KCNIP4: variants seen among roughly 807,000 people sequenced by gnomAD.
KCNIP4 encodes the protein Kv channel-interacting protein 4.
In KCNIP4, 12 loss-of-function variants were observed where a neutral mutation model predicts 34.0. The observed-to-expected ratio is 0.35, with a 90% CI of 0.23 to 0.57. The LOEUF is 0.57. Among genes scored for constraint, KCNIP4 ranks in the 20% least tolerant of loss-of-function variants. The pLI, the probability that KCNIP4 is intolerant of heterozygous loss-of-function variation, is 0.83. For missense variants in KCNIP4, 238 were observed against 311.7 expected (o/e 0.76, Z 1.78); for synonymous variants, 124 against 102.2 (o/e 1.21, Z -1.29).
chr4:21,342,505 C>T (rs1716855697), intron 1 of KCNIP4, among the ~76,000 whole-genome samples: 1 of 152,112 alleles, frequency 6.6e-6, no homozygotes, highest in Admixed American at 6.6e-5. Context: ...CACACAGCTA[C>T]TCACTGCTGG....
intron 1 of KCNIP4, among the ~76,000 whole-genome samples, chr4:21,557,366 A>T (rs1359023657): frequency 6.6e-6 from 1 of 152,174 alleles, no homozygotes; most frequent in Non-Finnish European, 1.5e-5. Context: ...AGTAAAATAC[A>T]ATATTGGAAA....
At chr4:20,953,452 T>C (rs962708779) in intron 1 of KCNIP4, among the ~76,000 whole-genome samples, 6 of 152,058 alleles carry the variant, frequency 3.9e-5, no homozygotes, top group African/African-American at 1.4e-4. Context: ...CAAAGTGAGG[T>C]GGGCAGATCA....
intron 1 of KCNIP4, among the ~76,000 whole-genome samples, chr4:21,946,404 T>C (rs80153098): frequency 6.6e-6 from 1 of 152,168 alleles, no homozygotes; most frequent in Non-Finnish European, 1.5e-5. Flanking sequence ...TTGGGAGTTA[T>C]ATAAATAGCC....
chr4:21,052,974 A>G (rs537536138), intron 1 of KCNIP4, among the ~76,000 whole-genome samples: 2 of 152,004 alleles, frequency 1.3e-5, no homozygotes, highest in South Asian at 2.1e-4. Flanking sequence ...TGAGAGAGAG[A>G]AAGAGAGAGA....
At chr4:20,809,921 C>A (rs912488007) in intron 3 of KCNIP4, among the ~76,000 whole-genome samples, 1 of 152,144 alleles carries the variant, frequency 6.6e-6, no homozygotes, top group African/African-American at 2.4e-5. Context: ...AAGGCTCCGG[C>A]CTGCTGGAGT....
At chr4:21,528,128 C>T (rs1736129681) in intron 1 of KCNIP4, among the ~76,000 whole-genome samples, 1 of 152,118 alleles carries the variant, frequency 6.6e-6, no homozygotes, top group African/African-American at 2.4e-5. Flanking sequence ...TCTCTGCTGC[C>T]TTCAGCTATT....
chr4:21,615,565 C>CG (rs1553911826), intron 1 of KCNIP4, among the ~76,000 whole-genome samples: 1 of 145,544 alleles, frequency 6.9e-6, no homozygotes, highest in Non-Finnish European at 1.5e-5. Context: ...AAAAACAAAA[C>CG]AAAAAAAAAC....
At position 20,729,946 on chromosome 4, in the gene KCNIP4, A is replaced by T. The variant is rs1560396339; in HGVS notation, c.*136T>A. The T allele has an allele frequency of 4.9e-6, 5 of 1,020,860 alleles. No homozygotes were observed. In the African/African-American group the frequency reaches 8.3e-5, roughly 17 times the overall value. The allele number at this position is 1,020,860 out of a possible 1,614,324, so 63.2% of individuals were successfully genotyped here. A position where few individuals can be genotyped will look rare whatever the true frequency, so the allele number is the denominator to read the frequency against. On this transcript the variant is annotated 3_prime_UTR_variant, in exon 9 of 9. Coordinates refer to ENST00000382152, the MANE Select transcript of KCNIP4 (RefSeq NM_025221.6). ...GCTCAAATCTTTTGGGGATTGCTTT[A>T]TATTAAAACAAAGCTTGTTTGCATA...
intron 1 of KCNIP4, among the ~76,000 whole-genome samples, chr4:21,942,860 C>A (rs750801647): frequency 3.9e-5 from 6 of 152,110 alleles, no homozygotes; most frequent in Non-Finnish European, 7.4e-5. Context: ...TGGGTTCAAG[C>A]GATTCTCCCT....
rs374665138 is a variant in KCNIP4 at position 20,817,287 on chromosome 4, T to C, written c.288+33256A>G. ...TCTAAGCAGATTTCAAATTCTGCGT[T>C]TAATTACATTTCCTAAAACCCTTAG... On this transcript the variant is annotated intron_variant, in intron 3 of 8. Coordinates refer to ENST00000382152, the MANE Select transcript of KCNIP4 (RefSeq NM_025221.6). Among the ~76,000 whole-genome samples the C allele has an allele frequency of 4.2e-3, 633 of 152,348 alleles. 11 individuals carry two copies. Among genetic ancestry groups the C allele is most frequent in the Middle Eastern group, 0.02 (6 of 294 alleles).
At chr4:21,405,934 C>T (rs1723945510) in intron 1 of KCNIP4, among the ~76,000 whole-genome samples, 1 of 152,258 alleles carries the variant, frequency 6.6e-6, no homozygotes, top group South Asian at 2.1e-4. Context: ...CTCCCGGGTT[C>T]AAGCGATTCT....
intron 1 of KCNIP4, among the ~76,000 whole-genome samples, chr4:21,560,706 A>G (rs953361246): frequency 1.3e-5 from 2 of 152,104 alleles, no homozygotes; most frequent in African/African-American, 4.8e-5. Flanking sequence ...TCAGCAATGA[A>G]ACCATTTGGG....
At chr4:21,779,273 G>A (rs536110575) in intron 1 of KCNIP4, among the ~76,000 whole-genome samples, 14 of 152,156 alleles carry the variant, frequency 9.2e-5, no homozygotes, top group South Asian at 4.1e-4. Flanking sequence ...AAAACAGGGC[G>A]GCAAGGATGA....
intron 1 of KCNIP4, among the ~76,000 whole-genome samples, chr4:21,041,401 T>C (rs543874895): frequency 3.3e-5 from 5 of 152,322 alleles, no homozygotes; most frequent in African/African-American, 1.2e-4. Flanking sequence ...AGTGTGCTAT[T>C]AGAGGTTTCT....
chr4:21,672,668 G>T (rs1749595642), intron 1 of KCNIP4, among the ~76,000 whole-genome samples: 1 of 152,184 alleles, frequency 6.6e-6, no homozygotes, highest in African/African-American at 2.4e-5. Flanking sequence ...GTGACGATTG[G>T]GATAACCACA....
intron 1 of KCNIP4, among the ~76,000 whole-genome samples, chr4:21,667,882 G>A (rs1259463286): frequency 6.6e-6 from 1 of 152,120 alleles, no homozygotes; most frequent in African/African-American, 2.4e-5. Context: ...ATTGTACAGA[G>A]GTTCACCTTC....
rs1401219732 is a variant in KCNIP4, at chr4:21,234,417, C to G, written c.62-351708G>C. On this transcript the variant is annotated intron_variant, in intron 1 of 8. Coordinates refer to ENST00000382152, the MANE Select transcript of KCNIP4 (RefSeq NM_025221.6). ...TATATAATATATTATATAACATATA[C>G]TATATATATTACATATAACGTATAT... 2.0e-4 allele frequency among the ~76,000 whole-genome samples: 25 copies of G among 125,182 alleles called. 1 individual carries two copies. The highest frequency in any genetic ancestry group is 3.4e-4 in the Non-Finnish European group (22 of 63,880). The allele number at this position is 125,182 out of a possible 152,430, so 82.1% of individuals were successfully genotyped here.
At chr4:21,151,853 G>A (rs1342483931) in intron 1 of KCNIP4, among the ~76,000 whole-genome samples, 3 of 152,018 alleles carry the variant, frequency 2.0e-5, no homozygotes, top group Admixed American at 6.6e-5. Flanking sequence ...CAACATTGTC[G>A]GGACTTAGCC....
chr4:21,363,492 A>C (rs565248373), intron 1 of KCNIP4, among the ~76,000 whole-genome samples: 1 of 152,294 alleles, frequency 6.6e-6, no homozygotes, highest in South Asian at 2.1e-4. Context: ...AACATTAGGG[A>C]AATCACCAGG....
Sources: allele counts gnomAD v4.1 joint callset (sites outside exome capture counted in the v4.1 genomes callset), GRCh38; gene constraint gnomAD v4.1.1; transcripts MANE v1.5; gene names NCBI Gene and HGNC (gene_info 2026-07-23, HGNC 2026-07-21).